The following PDS5B variants were observed in gnomAD, a reference collection of about 807,000 sequenced individuals.
The protein encoded by PDS5B is sister chromatid cohesion protein PDS5 homolog B.
A neutral mutation model predicts 184.1 loss-of-function variants in PDS5B; 51 were observed. The observed-to-expected ratio is 0.28, with a 90% CI of 0.22 to 0.35. The LOEUF (loss-of-function observed/expected upper bound fraction) is 0.35, where lower values mean the gene tolerates loss of function less well. PDS5B is among the 10% of genes least tolerant of loss of function. PDS5B has a pLI of 1.00. For synonymous variants in PDS5B, 566 were observed against 569.2 expected (o/e 0.99, Z 0.08); for missense variants, 1,180 against 1,723.3 (o/e 0.68, Z 5.58).
intron 19 of PDS5B, among the ~76,000 whole-genome samples, chr13:32,710,903 G>T (rs1952183562): frequency 6.6e-6 from 1 of 152,106 alleles, no homozygotes. Flanking sequence ...AGAGTTTCAG[G>T]TATAATTTCT....
intron 3 of PDS5B, among the ~76,000 whole-genome samples, chr13:32,656,273 C>CTT (rs71071057): frequency 0.29 from 28,332 of 96,842 alleles, 4,178 homozygotes; most frequent in Non-Finnish European, 0.38. Flanking sequence ...TCTCCAGCTT[C>CTT]TTTTTTTTTT....
chr13:32,677,955 A>G (rs1303961307), intron 9 of PDS5B, among the ~76,000 whole-genome samples: 3 of 152,142 alleles, frequency 2.0e-5, no homozygotes, highest in African/African-American at 7.2e-5. Flanking sequence ...ACAGCTAAAC[A>G]TCATGTGCTT....
intron 18 of PDS5B, among the ~76,000 whole-genome samples, chr13:32,708,303 A>G (rs1952090407): frequency 1.3e-5 from 2 of 152,212 alleles, no homozygotes; most frequent in Admixed American, 1.3e-4. Context: ...TTCCTTGGCA[A>G]AGCCAAGAAT....
intron 1 of PDS5B, among the ~76,000 whole-genome samples, chr13:32,624,110 C>A (rs1040891113): frequency 2.6e-5 from 4 of 152,102 alleles, no homozygotes; most frequent in Non-Finnish European, 5.9e-5. Context: ...AAAATTGACA[C>A]AAAGGCCCTT....
intron 1 of PDS5B, among the ~76,000 whole-genome samples, chr13:32,598,295 G>A (rs2057912959): frequency 6.6e-6 from 1 of 151,890 alleles, no homozygotes; most frequent in Non-Finnish European, 1.5e-5. Flanking sequence ...GGCTGGTCTC[G>A]AACTCCTGAC....
intron 1 of PDS5B, among the ~76,000 whole-genome samples, chr13:32,624,572 G>A (rs11840502): frequency 0.4 from 59,986 of 151,852 alleles, 12,281 homozygotes; most frequent in African/African-American, 0.49. Flanking sequence ...TGGCAATGAG[G>A]TTATAATATC....
intron 1 of PDS5B, among the ~76,000 whole-genome samples, chr13:32,630,047 C>G (rs1032677645): frequency 1.3e-5 from 2 of 152,184 alleles, no homozygotes; most frequent in African/African-American, 4.8e-5. Context: ...AAGTATAGCT[C>G]AAATTTGGAG....
At chr13:32,598,065 A>G (rs2057908955) in intron 1 of PDS5B, among the ~76,000 whole-genome samples, 2 of 151,978 alleles carry the variant, frequency 1.3e-5, no homozygotes, top group South Asian at 4.2e-4. Context: ...TGGGATTTTA[A>G]TTAAATCAAA....
chr13:32,676,629 A>C (rs1232781018), intron 9 of PDS5B, among the ~76,000 whole-genome samples: 4 of 152,178 alleles, frequency 2.6e-5, no homozygotes, highest in Non-Finnish European at 5.9e-5. Flanking sequence ...AATGCAGTTA[A>C]GTCATAAACA....
At chr13:32,627,957 T>G (rs1041050342) in intron 1 of PDS5B, among the ~76,000 whole-genome samples, 4 of 152,184 alleles carry the variant, frequency 2.6e-5, no homozygotes, top group African/African-American at 9.6e-5. Context: ...CAGAAGCACT[T>G]TTGACATTTC....
chr13:32,771,253 A>T (rs538746011), intron 33 of PDS5B, among the ~76,000 whole-genome samples: 5 of 152,144 alleles, frequency 3.3e-5, no homozygotes, highest in African/African-American at 1.2e-4. Flanking sequence ...CAAGTGTTTG[A>T]TATCTTGATT....
chr13:32,775,662 AG>A lies in PDS5B; in HGVS notation c.*612del, dbSNP rs1954934292. ...ATTACACCAGAAGGATGCCTCTGATAGGAGGACAACCATGCAAATTGTGAAA... is the reference window on the plus strand; with the variant it reads ...ATTACACCAGAAGGATGCCTCTGATAGAGGACAACCATGCAAATTGTGAAA... On this transcript the variant is annotated 3_prime_UTR_variant, in exon 35 of 35. Transcript: ENST00000315596. 1 of 456,214 alleles carries A rather than the reference AG, an allele frequency of 2.2e-6. No homozygotes were observed. Among genetic ancestry groups the A allele is most frequent in the Non-Finnish European group, 4.4e-6 (1 of 226,708 alleles). The allele number at this position is 456,214 out of a possible 1,614,324, so 28.3% of individuals were successfully genotyped here.
At chr13:32,743,838 C>A (rs1953651046) in intron 23 of PDS5B, among the ~76,000 whole-genome samples, 1 of 151,860 alleles carries the variant, frequency 6.6e-6, no homozygotes. Flanking sequence ...TTTATATATG[C>A]CAATGTTTAG....
chr13:32,751,961 T>C (rs1264437958), intron 24 of PDS5B, among the ~76,000 whole-genome samples: 3 of 152,178 alleles, frequency 2.0e-5, no homozygotes. Flanking sequence ...AAGGATGAGA[T>C]GTTATGACCA....
chr13:32,765,328 T>C (rs957520545), intron 31 of PDS5B, among the ~76,000 whole-genome samples: 1 of 152,248 alleles, frequency 6.6e-6, no homozygotes, highest in South Asian at 2.1e-4. Flanking sequence ...TCAGAGTAAG[T>C]GACTTAGCCA....
At chr13:32,737,675 T>A (rs1175185219) in intron 21 of PDS5B, among the ~76,000 whole-genome samples, 1 of 152,216 alleles carries the variant, frequency 6.6e-6, no homozygotes. Flanking sequence ...AGTCACATCT[T>A]GTCAGAAACA....
intron 28 of PDS5B, among the ~76,000 whole-genome samples, chr13:32,759,356 T>C (rs1047125530): frequency 3.9e-5 from 6 of 152,162 alleles, no homozygotes; most frequent in Non-Finnish European, 7.4e-5. Flanking sequence ...ATGTGGTCTT[T>C]CCCCTGAAGG....
intron 17 of PDS5B, among the ~76,000 whole-genome samples, chr13:32,702,461 G>A (rs1364854065): frequency 6.6e-6 from 1 of 152,146 alleles, no homozygotes; most frequent in African/African-American, 2.4e-5. Flanking sequence ...TACTGGCAAA[G>A]CATAGTGTGC....
At chr13:32,601,836 A>C (rs2057979435) in intron 1 of PDS5B, among the ~76,000 whole-genome samples, 1 of 152,166 alleles carries the variant, frequency 6.6e-6, no homozygotes, top group African/African-American at 2.4e-5. Flanking sequence ...AACTACATTG[A>C]ATTGGTTTTA....
Sources: allele counts gnomAD v4.1 joint callset (sites outside exome capture counted in the v4.1 genomes callset), GRCh38; gene constraint gnomAD v4.1.1; transcripts MANE v1.5; gene names NCBI Gene and HGNC (gene_info 2026-07-23, HGNC 2026-07-21).